FRMPD4: variants seen among roughly 807,000 people sequenced by gnomAD.
FRMPD4 encodes the protein FERM and PDZ domain containing 4.
Under a neutral mutation model 94.1 loss-of-function variants are expected in FRMPD4, and 22 were observed. That is an observed-to-expected ratio of 0.23 (90% CI 0.17 to 0.33). The LOEUF (loss-of-function observed/expected upper bound fraction) is 0.33. FRMPD4 is among the 10% of genes least tolerant of loss of function. The probability of loss-of-function intolerance (pLI) is 1.00; values close to 1 mark genes in which losing one functional copy is unlikely to be tolerated. For missense variants in FRMPD4, 1,111 were observed against 1,339.9 expected, an observed-to-expected ratio of 0.83 and a Z score of 2.67; for synonymous variants, 631 against 548.6, an observed-to-expected ratio of 1.15 and a Z score of -2.10.
At chrX:12,104,351 G>A (rs772597016) in intron 3 of FRMPD4, among the ~76,000 whole-genome samples, 1 of 112,218 alleles carries the variant, frequency 8.9e-6, no homozygotes, top group East Asian at 2.8e-4. Flanking sequence ...TAGTACCTAT[G>A]GCACTAAAGG....
At chrX:12,229,818 C>G (rs2056964116) in intron 1 of FRMPD4, among the ~76,000 whole-genome samples, 1 of 112,195 alleles carries the variant, frequency 8.9e-6, no homozygotes, top group Non-Finnish European at 1.9e-5. Flanking sequence ...GCTTCCATTT[C>G]TTTGTTTGTT....
At chrX:12,252,781 C>T (rs1257036162) in intron 1 of FRMPD4, among the ~76,000 whole-genome samples, 2 of 111,913 alleles carry the variant, frequency 1.8e-5, no homozygotes, top group African/African-American at 6.5e-5. Context: ...GGAAATCTAA[C>T]CTGGTTTGAC....
chrX:11,980,301 C>G (rs777771441), intron 3 of FRMPD4, among the ~76,000 whole-genome samples: 128 of 111,447 alleles, frequency 1.1e-3, no homozygotes, highest in African/African-American at 4.1e-3. Context: ...TTAAGGCCTT[C>G]TTTTTTCCTA....
At chrX:12,232,731 A>G (rs2023760) in intron 1 of FRMPD4, among the ~76,000 whole-genome samples, 19,588 of 111,311 alleles carry the variant, frequency 0.18, 1,661 homozygotes, top group East Asian at 0.53. Context: ...ATCTGGACAC[A>G]ACAATTTATT....
chrX:12,105,993 C>T (rs2147515063), intron 3 of FRMPD4, among the ~76,000 whole-genome samples: 1 of 112,118 alleles, frequency 8.9e-6, no homozygotes, highest in Non-Finnish European at 1.9e-5. Flanking sequence ...CCCTGAAGGT[C>T]ACTTCAGCTT....
At chrX:12,183,084 T>C (rs767543546) in intron 1 of FRMPD4, among the ~76,000 whole-genome samples, 18 of 105,087 alleles carry the variant, frequency 1.7e-4, no homozygotes, top group African/African-American at 6.2e-4. Context: ...GATTTCCTTT[T>C]TCTCATCTAT....
chrX:12,620,803 A>T (rs1321894311), intron 4 of FRMPD4, among the ~76,000 whole-genome samples: 2 of 112,593 alleles, frequency 1.8e-5, no homozygotes, highest in Admixed American at 9.4e-5. Flanking sequence ...AATCTAGCAG[A>T]CCCCATTGCA....
intron 1 of FRMPD4, among the ~76,000 whole-genome samples, chrX:12,409,102 G>A (rs2056700917): frequency 9.0e-6 from 1 of 111,560 alleles, no homozygotes; most frequent in Non-Finnish European, 1.9e-5. Context: ...AAGACAGCTT[G>A]TAATGAGGTA....
At chrX:12,478,038 C>G (rs1265429120) in intron 1 of FRMPD4, among the ~76,000 whole-genome samples, 1 of 112,367 alleles carries the variant, frequency 8.9e-6, no homozygotes, top group African/African-American at 3.2e-5. Context: ...GAAAGTGTCT[C>G]CAGGCTCTCA....
At chrX:12,638,288 G>A (rs749784865) in intron 4 of FRMPD4, among the ~76,000 whole-genome samples, 1 of 112,490 alleles carries the variant, frequency 8.9e-6, no homozygotes, top group East Asian at 2.8e-4. Context: ...TTGAGACAAG[G>A]TCTCCACTCT....
intron 1 of FRMPD4, among the ~76,000 whole-genome samples, chrX:12,354,960 G>A (rs1421384364): frequency 8.9e-6 from 1 of 111,947 alleles, no homozygotes; most frequent in Non-Finnish European, 1.9e-5. Context: ...GAATTTCTAC[G>A]TATCATGGGC....
chrX:12,107,064 C>T (rs1481033636), intron 3 of FRMPD4, among the ~76,000 whole-genome samples: 2 of 111,674 alleles, frequency 1.8e-5, no homozygotes, highest in Non-Finnish European at 3.8e-5. Context: ...GTTCTCCCAG[C>T]ACGGAGTCTG....
At chrX:12,483,629 A>G (rs2057711211) in intron 1 of FRMPD4, among the ~76,000 whole-genome samples, 1 of 111,472 alleles carries the variant, frequency 9.0e-6, no homozygotes, top group Non-Finnish European at 1.9e-5. Flanking sequence ...TTTTGTGTGC[A>G]TTAGGGGAAT....
At chrX:11,996,805 C>T (rs767992239) in intron 3 of FRMPD4, among the ~76,000 whole-genome samples, 26 of 111,580 alleles carry the variant, frequency 2.3e-4, no homozygotes, top group Non-Finnish European at 4.2e-4. Flanking sequence ...GATGTAGTTC[C>T]GCCTTTCAAG....
At chrX:11,910,553 A>G (rs1440055213) in intron 3 of FRMPD4, among the ~76,000 whole-genome samples, 1 of 111,199 alleles carries the variant, frequency 9.0e-6, no homozygotes, top group Non-Finnish European at 1.9e-5. Context: ...AGCTGGAACT[A>G]CAGGCGCGTG....
chrX:12,537,640 C>T (rs971250114), intron 2 of FRMPD4, among the ~76,000 whole-genome samples: 7 of 107,583 alleles, frequency 6.5e-5, no homozygotes, highest in African/African-American at 2.4e-4. Context: ...TTTGTAGAGA[C>T]TGGGTATCAC....
intron 2 of FRMPD4, among the ~76,000 whole-genome samples, chrX:12,537,970 G>A (rs2058359406): frequency 9.0e-6 from 1 of 110,814 alleles, no homozygotes; most frequent in Non-Finnish European, 1.9e-5. Context: ...ATTTCCAACT[G>A]AGGTACCGGG....
At chrX:12,344,066 G>A (rs1476916020) in intron 1 of FRMPD4, among the ~76,000 whole-genome samples, 1 of 111,872 alleles carries the variant, frequency 8.9e-6, no homozygotes, top group East Asian at 2.8e-4. Flanking sequence ...GCTTTGAATT[G>A]GCTTCTGTTA....
At chrX:11,929,029 T>A (rs1395800511) in intron 3 of FRMPD4, among the ~76,000 whole-genome samples, 1 of 112,125 alleles carries the variant, frequency 8.9e-6, no homozygotes, top group Non-Finnish European at 1.9e-5. Flanking sequence ...AAATACCACA[T>A]GTTATAAGTA....
Sources: allele counts gnomAD v4.1 joint callset (sites outside exome capture counted in the v4.1 genomes callset), GRCh38; gene constraint gnomAD v4.1.1; transcripts MANE v1.5; gene names NCBI Gene and HGNC (gene_info 2026-07-23, HGNC 2026-07-21).